Variants in TUFM observed in about 807,000 individuals in gnomAD.
TUFM encodes the protein Tu translation elongation factor, mitochondrial, also known as elongation factor Tu, mitochondrial.
A neutral mutation model predicts 45.0 loss-of-function variants in TUFM; 23 were observed. The ratio of observed to expected loss-of-function variants is 0.51; its 90% CI spans 0.37 to 0.72. The LOEUF (loss-of-function observed/expected upper bound fraction) is 0.72. Ranked by LOEUF, TUFM falls within the 30% of genes least tolerant of loss-of-function variation. The pLI is 0.00. For synonymous variants in TUFM, 243 were observed against 252.9 expected, an observed-to-expected ratio of 0.96 and a Z score of 0.37; for missense variants, 490 against 610.7, an observed-to-expected ratio of 0.80 and a Z score of 2.08.
intron 2 of TUFM, 101 bp downstream of exon 2, chr16:28,845,811 C>T (rs1961935677): frequency 2.0e-6 from 3 of 1,465,990 alleles, no homozygotes; most frequent in Non-Finnish European, 2.8e-6. Context: ...GCTCTTGGGG[C>T]CACAGTAAAC....
chr16:28,844,110 GA>G lies in TUFM; in HGVS notation c.923-10del, dbSNP rs779484722. 1.9e-6 allele frequency: 3 copies of G among 1,614,218 alleles called. No individual in the cohort carries two copies. Among genetic ancestry groups the G allele is most frequent in the African/African-American group, 2.7e-5 (2 of 75,062 alleles). ...GTGGAACATCTCAATGCCTAGGACG[GA>G]AAGGGAAAAGGAGCAGGGAGAAGGA... On this transcript the variant is annotated splice_polypyrimidine_tract_variant and intron_variant, in intron 7 of 9. Transcript: ENST00000313511. The surrounding 1 kb of genome is among the most constrained non-coding windows in gnomAD (Gnocchi z 5.8).
rs368253111 is a variant in TUFM at position 28,846,303 on chromosome 16, G to T, written c.-34C>A. ...CCCGGTAACCGGGGAGCCGGGACCAGGAGCCCGAGCGCACAGAAGAAGAAG... is the reference window on the plus strand; with the variant it reads ...CCCGGTAACCGGGGAGCCGGGACCATGAGCCCGAGCGCACAGAAGAAGAAG... On this transcript the variant is annotated 5_prime_UTR_variant, in exon 1 of 10. In the 5' UTR this introduces an upstream ATG that the reference lacks. Transcript: ENST00000313511. 5 of 1,546,056 alleles carry T rather than the reference G, an allele frequency of 3.2e-6. No homozygotes were observed. The highest frequency in any genetic ancestry group is 4.4e-6 in the Non-Finnish European group (5 of 1,143,166).
At position 28,842,721 on chromosome 16, in the gene TUFM, G is replaced by A; in HGVS notation, c.*254C>T. ...ATCTCACAAGCTCCCCATCTGTCTG[G>A]GGTTCAACACCCTTTTTGTCCTCCC... On this transcript the variant is annotated 3_prime_UTR_variant, in exon 10 of 10. Transcript: ENST00000313511. 1.9e-6 allele frequency: 1 copy of A among 538,558 alleles called. No individual in the cohort carries two copies. Among genetic ancestry groups the A allele is most frequent in the South Asian group, 2.0e-5 (1 of 50,520 alleles). 33.4% of individuals were successfully genotyped at this position (538,558 alleles called of 1,614,324 possible). A position where few individuals can be genotyped will look rare whatever the true frequency, so the allele number is the denominator to read the frequency against.
rs754779828 is a variant in TUFM at position 28,844,750 on chromosome 16, T to C, written c.632A>G (p.Tyr211Cys). ...EIRELLTEFG[Y>C]KGEETPVIVG... ...GATGACTGGGGTCTCCTCCCCTTTA[T>C]AGCCAAACTCGGTGAGCAGCTCCCG... Residue 211 changes from tyrosine (Y) to cysteine (C), a missense_variant, in exon 5 of 10, where the codon TAT (tyrosine) becomes TGT (cysteine). Coordinates refer to ENST00000313511, the MANE Select transcript of TUFM (RefSeq NM_003321.5). The surrounding 1 kb of genome is among the most constrained non-coding windows in gnomAD (Gnocchi z 5.8). The C allele has an allele frequency of 1.9e-6, 3 of 1,614,064 alleles. No homozygotes were observed. Among genetic ancestry groups the C allele is most frequent in the African/African-American group, 2.7e-5 (2 of 74,924 alleles).
In TUFM at chr16:28,845,996, C is replaced by T. The variant is rs752365179; in HGVS notation, c.163G>A (p.Val55Met). The T allele has an allele frequency of 3.1e-6, 5 of 1,614,004 alleles. No individual in the cohort carries two copies. The East Asian group carries it at 1.1e-4, about 36-fold the overall frequency. Reference sequence around the variant, plus strand: ...ACATTCACATGTGGCTTGTCGCGCACGTAAGTCTTCTTGGCCTCCACGGCC... The same window carrying T: ...ACATTCACATGTGGCTTGTCGCGCATGTAAGTCTTCTTGGCCTCCACGGCC... ...GLAVEAKKTYVRDKPHVNVGT... is the reference protein window; with the variant it reads ...GLAVEAKKTYMRDKPHVNVGT... The change falls in exon 2 of 10, where the codon GTG becomes ATG. Residue 55 changes from valine to methionine, a missense_variant. By Grantham distance (21) the Val-to-Met change is conservative (BLOSUM62 1). Transcript: ENST00000313511.
In TUFM at chr16:28,846,256, G is replaced by A. The variant is rs762404007; in HGVS notation, c.14C>T (p.Ala5Val). Residue 5 changes from alanine to valine, a missense_variant, in exon 1 of 10, where the codon GCG (alanine) becomes GTG (valine). Transcript: ENST00000313511. ...CGTCGCGCGCAGCAGGGTGGCGGCC[G>A]CCATTGTGGTCATACTCGCGCCCCG... MTTM[A>V]AATLLRATPH... is the part of the protein sequence containing the mutation. 3 of 1,564,456 alleles carry A rather than the reference G, an allele frequency of 1.9e-6. No individual in the cohort carries two copies. Among genetic ancestry groups the A allele is most frequent in the East Asian group, 2.4e-5 (1 of 41,680 alleles).
rs141736683 is a variant in TUFM, at chr16:28,842,438, G to C, written c.*537C>G. The C allele has an allele frequency of 1.4e-4, 25 of 184,980 alleles. No homozygotes were observed. In the East Asian group the frequency reaches 3.1e-3, roughly 23 times the overall value. The allele number at this position is 184,980 out of a possible 1,614,324, so 11.5% of individuals were successfully genotyped here. On this transcript the variant is annotated 3_prime_UTR_variant, in exon 10 of 10. Coordinates refer to ENST00000313511, the MANE Select transcript of TUFM (RefSeq NM_003321.5). Reference sequence around the variant, plus strand: ...ATTTGTGACCTGCTTTATTGTGGTAGTCTGGAAGCAAACCTACAGCATCTG... The same window carrying C: ...ATTTGTGACCTGCTTTATTGTGGTACTCTGGAAGCAAACCTACAGCATCTG...
At position 28,842,886 on chromosome 16, in the gene TUFM, C is replaced by T; in HGVS notation, c.*89G>A. 6.5e-7 allele frequency: 1 copy of T among 1,546,854 alleles called. No homozygotes were observed. Reference sequence around the variant, plus strand: ...TAGCTGCCCTCTGCTGGGTTGCAGCCTATGCCATGAGAGGGTACTGGAAGC... The same window carrying T: ...TAGCTGCCCTCTGCTGGGTTGCAGCTTATGCCATGAGAGGGTACTGGAAGC... On this transcript the variant is annotated 3_prime_UTR_variant, in exon 10 of 10. Transcript: ENST00000313511.
Position 28,844,965 on chromosome 16 carries a change from A to G in TUFM, c.505T>C (p.Leu169=), listed in dbSNP as rs1031791605. The part of the protein sequence containing the change: ...GPMPQTREHL[L]LARQIGVEHV... Reference sequence around the variant, plus strand: ...GCTCTGAGTACCTGTCTGGCCAGTAATAAGTGCTCTCGGGTCTGGGGCATG... The same window carrying G: ...GCTCTGAGTACCTGTCTGGCCAGTAGTAAGTGCTCTCGGGTCTGGGGCATG... The change falls in exon 4 of 10, where the codon TTA becomes CTA. Residue 169 remains leucine, a synonymous_variant. Transcript: ENST00000313511. The surrounding 1 kb of genome is among the most constrained non-coding windows in gnomAD (Gnocchi z 5.8). The G allele has an allele frequency of 4.3e-6, 7 of 1,614,140 alleles. No homozygotes were observed. Among genetic ancestry groups the G allele is most frequent in the Non-Finnish European group, 5.9e-6 (7 of 1,180,016 alleles).
At position 28,843,118 on chromosome 16, in the gene TUFM, A is replaced by C. The variant is rs1961843028; in HGVS notation, c.1225T>G (p.Phe409Val). The change falls in exon 10 of 10, where the codon TTC (phenylalanine) becomes GTC (valine). Residue 409 changes from phenylalanine (F) to valine (V), a missense_variant. Phe to Val is a conservative substitution (Grantham distance 50). Transcript: ENST00000313511. ...ELAMPGEDLK[F>V]NLILRQPMIL... is the part of the protein sequence containing the mutation. ...ATTGGCTGCCGCAAGATTAGGTTGA[A>C]CTTCAGGTCCTCCCCGGGCATGGCA... is the stretch of plus-strand genomic sequence containing the variant. 6 of 1,614,178 alleles carry C rather than the reference A, an allele frequency of 3.7e-6. No individual in the cohort carries two copies. The South Asian group carries it at 6.6e-5, about 18-fold the overall frequency.
chr16:28,845,866 T>A, intron 2 of TUFM, 46 bp downstream of exon 2: 1 of 1,606,470 alleles, frequency 6.2e-7, no homozygotes, highest in East Asian at 2.2e-5. Flanking sequence ...TGGCTCCAGG[T>A]CCCATCAGTA....
chr16:28,844,627 C>T lies in TUFM; in HGVS notation c.684+71G>A. 1 of 1,613,800 alleles carries T rather than the reference C, an allele frequency of 6.2e-7. No individual in the cohort carries two copies. The highest frequency in any genetic ancestry group is 8.5e-7 in the Non-Finnish European group (1 of 1,180,018). On this transcript the variant is annotated intron_variant, in intron 5 of 9. Transcript: ENST00000313511. This position sits in a 1 kb window ranked among gnomAD's most constrained non-coding sequence, Gnocchi z 5.8. Reference sequence around the variant, plus strand: ...ATTATCAAGAGCCACTTCCCAGACACAAAGCAGAGCTCTGGGTGCCCATCC... The same window carrying T: ...ATTATCAAGAGCCACTTCCCAGACATAAAGCAGAGCTCTGGGTGCCCATCC...
intron 9 of TUFM, 107 bp downstream of exon 9, chr16:28,843,629 G>A (rs759244182): frequency 6.5e-5 from 98 of 1,516,212 alleles, no homozygotes; most frequent in Non-Finnish European, 8.3e-5. Context: ...TCCACCTAAG[G>A]AAATAAAGCC....
Position 28,845,277 on chromosome 16 carries a change from C to A in TUFM, c.414+37G>T, listed in dbSNP as rs761744708. 11 of 1,613,702 alleles carry A rather than the reference C, an allele frequency of 6.8e-6. No homozygotes were observed. In the South Asian group the frequency reaches 1.2e-4, roughly 18 times the overall value. Reference sequence around the variant, plus strand: ...TAACATTTATCCTGACAAGAGGCAGCTTCTGGCCCTGTCTCCAGTGTCCCA... The same window carrying A: ...TAACATTTATCCTGACAAGAGGCAGATTCTGGCCCTGTCTCCAGTGTCCCA... On this transcript the variant is annotated intron_variant, in intron 3 of 9. Transcript: ENST00000313511.
chr16:28,843,293 C>T (rs1961847633), intron 9 of TUFM, 145 bp from the exon 10 acceptor site: 5 of 846,522 alleles, frequency 5.9e-6, no homozygotes, highest in Non-Finnish European at 9.7e-6. Flanking sequence ...CCATCCCAGG[C>T]TGTCAGGCAG....
In TUFM at chr16:28,843,996, A is replaced by G. The variant is rs1961865479; in HGVS notation, c.1028T>C (p.Met343Thr). The G allele has an allele frequency of 1.2e-6, 2 of 1,614,130 alleles. No homozygotes were observed. The highest frequency in any genetic ancestry group is 1.7e-6 in the Non-Finnish European group (2 of 1,180,024). The change falls in exon 8 of 10, where the codon ATG becomes ACG. Residue 343 changes from methionine to threonine, a missense_variant. Met to Thr is a moderately conservative substitution (Grantham distance 81). Transcript: ENST00000313511. ...GGGCTTGATGGAACCTGGCTTGACC[A>G]TGACCAGGCCCCGCCGCAAGTCCTC... is the stretch of plus-strand genomic sequence containing the variant. ...KREDLRRGLV[M>T]VKPGSIKPHQ...
rs753315821 is a variant in TUFM at position 28,845,070 on chromosome 16, G to A, written c.415-15C>T. 3.1e-6 allele frequency: 5 copies of A among 1,613,466 alleles called. No individual in the cohort carries two copies. The South Asian group carries it at 3.3e-5, about 11-fold the overall frequency. On this transcript the variant is annotated splice_polypyrimidine_tract_variant and intron_variant, in intron 3 of 9. Transcript: ENST00000313511. ...GTGATCATATTCTGGAGAGGAGAAG[G>A]AAAGGAAACAGCCAAGTTCAACGAG...
intron 3 of TUFM, 129 bp downstream of exon 3, chr16:28,845,185 G>A: frequency 6.4e-7 from 1 of 1,567,576 alleles, no homozygotes; most frequent in Non-Finnish European, 8.8e-7. Context: ...CATTCTGCGT[G>A]GCCAAGACCA....
intron 3 of TUFM, 26 bp from the exon 4 acceptor site, chr16:28,845,081 G>A: frequency 6.2e-7 from 1 of 1,611,818 alleles, no homozygotes; most frequent in Non-Finnish European, 8.5e-7. Context: ...AAAGGAAACA[G>A]CCAAGTTCAA....
Sources: gnomAD v4.1 joint callset for allele counts on GRCh38, gnomAD v4.1.1 for gene constraint, Gnocchi (gnomAD v3.1) non-coding constraint, MANE v1.5 for transcripts, NCBI Gene and HGNC (gene_info 2026-07-23, HGNC 2026-07-21) for gene names.